Variants in KIAA1549L observed in about 807,000 individuals in gnomAD.
The protein encoded by KIAA1549L is UPF0606 protein KIAA1549L.
Under a neutral mutation model 160.7 loss-of-function variants are expected in KIAA1549L, and 88 were observed. The observed-to-expected ratio is 0.55, with a 90% CI of 0.46 to 0.65. The LOEUF (loss-of-function observed/expected upper bound fraction) is 0.65, where lower values mean the gene tolerates loss of function less well. Among genes scored for constraint, KIAA1549L ranks in the 30% least tolerant of loss-of-function variants. The pLI is 0.00. For synonymous variants in KIAA1549L, 950 were observed against 976.7 expected (o/e 0.97, Z 0.51); for missense variants, 2,258 against 2,437.5 (o/e 0.93, Z 1.55).
Position 33,543,348 on chromosome 11 carries a change from A to T in KIAA1549L, c.1785A>T (p.Val595=), listed in dbSNP as rs527579561. ...PRKEVLSLHT[V]NGFVSDFSTG... is the part of the protein sequence containing the mutation. The stretch of plus-strand genomic sequence containing the variant: ...AAGAGGTTTTGAGTCTTCACACTGT[A>T]AATGGATTTGTCTCTGATTTCAGCA... The change falls in exon 2 of 21, where the codon GTA becomes GTT. Residue 595 remains valine, a synonymous_variant. Transcript: ENST00000658780. 2 of 1,614,072 alleles carry T rather than the reference A, an allele frequency of 1.2e-6. No homozygotes were observed. Among genetic ancestry groups the T allele is most frequent in the South Asian group, 2.2e-5 (2 of 91,090 alleles).
chr11:33,621,070 G>A (rs188027353), intron 16 of KIAA1549L, among the ~76,000 whole-genome samples: 6 of 152,316 alleles, frequency 3.9e-5, no homozygotes, highest in African/African-American at 9.6e-5. Flanking sequence ...CCTTGACACC[G>A]TAGAAGCAAA....
At chr11:33,399,172 C>T (rs1436889183) in intron 1 of KIAA1549L, among the ~76,000 whole-genome samples, 2 of 152,056 alleles carry the variant, frequency 1.3e-5, no homozygotes, top group Non-Finnish European at 2.9e-5. Flanking sequence ...AGGCTTGTCT[C>T]GAACTCCTGA....
At chr11:33,507,721 C>T (rs555855538) in intron 1 of KIAA1549L, among the ~76,000 whole-genome samples, 3 of 152,222 alleles carry the variant, frequency 2.0e-5, no homozygotes, top group African/African-American at 7.2e-5. Context: ...TACAGTACCC[C>T]GAACAGAGTA....
chr11:33,544,755 C>T lies in KIAA1549L; in HGVS notation c.2774-12C>T. The T allele has an allele frequency of 6.4e-7, 1 of 1,561,076 alleles. No individual in the cohort carries two copies. On this transcript the variant is annotated splice_polypyrimidine_tract_variant and intron_variant, in intron 2 of 20. Transcript: ENST00000658780. ...AAGCCAATGACAAACTTTGTTTTTT[C>T]TCTCTTTACAGCGGACACAGTATCA...
intron 1 of KIAA1549L, among the ~76,000 whole-genome samples, chr11:33,513,865 A>C (rs1853280692): frequency 1.3e-5 from 2 of 152,192 alleles, no homozygotes; most frequent in Admixed American, 1.3e-4. Flanking sequence ...CAGTGGACAA[A>C]GTGATAACCA....
chr11:33,471,901 C>T (rs1391734477), intron 1 of KIAA1549L, among the ~76,000 whole-genome samples: 3 of 152,222 alleles, frequency 2.0e-5, no homozygotes, highest in Non-Finnish European at 4.4e-5. Context: ...TGAACAGTCT[C>T]ATGGAAGTAA....
intron 6 of KIAA1549L, among the ~76,000 whole-genome samples, chr11:33,555,844 A>C (rs1349392109): frequency 6.6e-6 from 1 of 152,252 alleles, no homozygotes; most frequent in Non-Finnish European, 1.5e-5. Flanking sequence ...TGCATCAAAA[A>C]ACACTACCAG....
At chr11:33,606,164 T>A (rs954857930) in intron 13 of KIAA1549L, among the ~76,000 whole-genome samples, 3 of 152,196 alleles carry the variant, frequency 2.0e-5, no homozygotes, top group African/African-American at 7.2e-5. Context: ...TAACTGTGGC[T>A]TGTTGACCAA....
chr11:33,403,266 G>GC (rs1850546568), intron 1 of KIAA1549L: 1 of 4,328 alleles, frequency 2.3e-4, no homozygotes, highest in Non-Finnish European at 4.6e-4. Flanking sequence ...CACAGACACA[G>GC]ACACACACAG....
intron 9 of KIAA1549L, among the ~76,000 whole-genome samples, chr11:33,571,515 G>A (rs1590355064): frequency 6.6e-6 from 1 of 152,266 alleles, no homozygotes; most frequent in East Asian, 1.9e-4. Context: ...CATAGTGTTA[G>A]CATCTGCTTC....
At chr11:33,666,640 ATTAC>A (rs1852464786) in intron 20 of KIAA1549L, among the ~76,000 whole-genome samples, 1 of 152,218 alleles carries the variant, frequency 6.6e-6, no homozygotes, top group Admixed American at 6.5e-5. Context: ...TAAATTCAAA[ATTAC>A]TTACTTGTCC....
intron 1 of KIAA1549L, among the ~76,000 whole-genome samples, chr11:33,508,462 A>G (rs1853145130): frequency 6.6e-6 from 1 of 152,192 alleles, no homozygotes; most frequent in Non-Finnish European, 1.5e-5. Context: ...TTTGCTCTTT[A>G]CAGGCAAAAG....
In KIAA1549L at chr11:33,457,556, G is replaced by A. The variant is rs150125378; in HGVS notation, c.238+80667G>A. ...GGGTTCGTGGTATTTCAGTCAATGT[G>A]GCCACGGCCCACAAGTATCTAAGTC... On this transcript the variant is annotated intron_variant, in intron 1 of 20. Transcript: ENST00000658780. 5.3e-3 allele frequency among the ~76,000 whole-genome samples: 800 copies of A among 152,246 alleles called. 7 individuals are homozygous for A. Among genetic ancestry groups the A allele is most frequent in the Non-Finnish European group, 8.6e-3 (588 of 68,012 alleles).
rs1417640477 is a variant in KIAA1549L at position 33,574,759 on chromosome 11, A to G, written c.4288A>G (p.Thr1430Ala). Reference protein sequence around the residue: ...PKDPAELTYYTLYNGKPLLGT... With the variant: ...PKDPAELTYYALYNGKPLLGT... The stretch of plus-strand genomic sequence containing the variant: ...GGACCCAGCGGAGCTGACTTACTAT[A>G]CCCTGTACAACGGGAAGCCTTTGTT... The change falls in exon 10 of 21, where the codon ACC becomes GCC. Residue 1430 changes from threonine to alanine, a missense_variant. By Grantham distance (58) the Thr-to-Ala change is moderately conservative (BLOSUM62 0). This residue lies in a region of KIAA1549L where 1,359 missense variants were observed against 1,546.6 expected (regional missense o/e 0.88). Coordinates refer to ENST00000658780, the MANE Select transcript of KIAA1549L (RefSeq NM_012194.3). 5 of 1,613,748 alleles carry G rather than the reference A, an allele frequency of 3.1e-6. No individual in the cohort carries two copies. In the African/African-American group the frequency reaches 6.7e-5, roughly 22 times the overall value.
chr11:33,428,484 T>G (rs1402830944), intron 1 of KIAA1549L, among the ~76,000 whole-genome samples: 1 of 151,570 alleles, frequency 6.6e-6, no homozygotes, highest in African/African-American at 2.4e-5. Context: ...TAGTTTGTGA[T>G]GTTCCTCGCC....
intron 16 of KIAA1549L, among the ~76,000 whole-genome samples, chr11:33,640,803 T>C (rs1851561804): frequency 2.6e-5 from 4 of 152,232 alleles, no homozygotes; most frequent in Admixed American, 2.6e-4. Flanking sequence ...TATTGAAGTA[T>C]ATCTTGATTA....
intron 1 of KIAA1549L, among the ~76,000 whole-genome samples, chr11:33,425,718 A>G (rs1299202675): frequency 1.3e-5 from 2 of 152,234 alleles, no homozygotes; most frequent in Non-Finnish European, 2.9e-5. Flanking sequence ...ACTTTGCATC[A>G]CACGTCATAT....
intron 20 of KIAA1549L, among the ~76,000 whole-genome samples, chr11:33,662,000 T>C (rs1852282257): frequency 6.6e-6 from 1 of 151,996 alleles, no homozygotes; most frequent in Non-Finnish European, 1.5e-5. Flanking sequence ...ATATGCAGCT[T>C]GGCATAAAAA....
chr11:33,385,438 A>G (rs1368471899), intron 1 of KIAA1549L, among the ~76,000 whole-genome samples: 1 of 152,232 alleles, frequency 6.6e-6, no homozygotes, highest in African/African-American at 2.4e-5. Flanking sequence ...ACTGCCTGGT[A>G]GATGTCAGTA....
Sources: gnomAD v4.1 joint callset for allele counts (sites outside exome capture counted in the v4.1 genomes callset) on GRCh38, gnomAD v4.1.1 for gene constraint, gnomAD v4.1.1 regional missense constraint, MANE v1.5 for transcripts, NCBI Gene and HGNC (gene_info 2026-07-23, HGNC 2026-07-21) for gene names.